Variants in DLG1 observed in about 807,000 individuals in gnomAD.
DLG1 encodes disks large homolog 1.
Under a neutral mutation model 123.4 loss-of-function variants are expected in DLG1, and 42 were observed. The observed-to-expected ratio is 0.34, with a 90% confidence interval of 0.27 to 0.44. DLG1 has a LOEUF of 0.44. DLG1 is among the 20% of genes least tolerant of loss of function. The pLI is 1.00. For synonymous variants in DLG1, 317 were observed against 356.2 expected (o/e 0.89, Z 1.24); for missense variants, 942 against 1,082.6 (o/e 0.87, Z 1.82).
rs1231390868 is a variant in DLG1, at chr3:197,069,203, A to G, written c.2047+16T>C. 2 of 1,565,852 alleles carry G rather than the reference A, an allele frequency of 1.3e-6. No homozygotes were observed. The highest frequency in any genetic ancestry group is 2.7e-5 in the African/African-American group (2 of 72,836). ...TACTCGAGATTACAAAAGAACAAGT[A>G]ACTTAAAACACTTACGGTAACTACT... On this transcript the variant is annotated intron_variant, in intron 19 of 24. Transcript: ENST00000667157.
Position 197,044,535 on chromosome 3 carries a change from A to G in DLG1, c.*88T>C. 1 of 777,958 alleles carries G rather than the reference A, an allele frequency of 1.3e-6. No homozygotes were observed. The allele number at this position is 777,958 out of a possible 1,614,324, so 48.2% of individuals were successfully genotyped here. A position where few individuals can be genotyped will look rare whatever the true frequency, so the allele number is the denominator to read the frequency against. Reference sequence around the variant, plus strand: ...GTGGGATACAATTCAACATGAAATCAGTACTCAAGAAAGACTCCAGAGGAA... The same window carrying G: ...GTGGGATACAATTCAACATGAAATCGGTACTCAAGAAAGACTCCAGAGGAA... On this transcript the variant is annotated 3_prime_UTR_variant, in exon 25 of 25. Coordinates refer to ENST00000667157, the MANE Select transcript of DLG1 (RefSeq NM_001366207.1).
chr3:197,165,172 AG>A (rs1312200575), intron 5 of DLG1, among the ~76,000 whole-genome samples: 2 of 152,198 alleles, frequency 1.3e-5, no homozygotes, highest in Non-Finnish European at 2.9e-5. Flanking sequence ...GTTGTTGACA[AG>A]GAATACACAG....
At chr3:197,204,245 C>T (rs1275931789) in intron 4 of DLG1, among the ~76,000 whole-genome samples, 1 of 152,188 alleles carries the variant, frequency 6.6e-6, no homozygotes, top group Non-Finnish European at 1.5e-5. Flanking sequence ...ATACGAAACA[C>T]TATTCTTTTT....
chr3:197,208,607 A>G (rs1729792261), intron 4 of DLG1, among the ~76,000 whole-genome samples: 1 of 145,678 alleles, frequency 6.9e-6, no homozygotes, highest in African/African-American at 2.4e-5. Flanking sequence ...AGGTATGGAA[A>G]TAGAAAAAAC....
At chr3:197,238,500 C>A (rs1417612659) in intron 4 of DLG1, among the ~76,000 whole-genome samples, 2 of 152,060 alleles carry the variant, frequency 1.3e-5, no homozygotes, top group African/African-American at 4.8e-5. Context: ...ACTGAAAATA[C>A]AATAACACTA....
chr3:197,174,666 C>T (rs1285834188), intron 5 of DLG1, among the ~76,000 whole-genome samples: 2 of 151,894 alleles, frequency 1.3e-5, no homozygotes, highest in Non-Finnish European at 2.9e-5. Flanking sequence ...GATTTCTTTC[C>T]AAATTTATAA....
chr3:197,280,150 C>A (rs1332950506), intron 4 of DLG1, among the ~76,000 whole-genome samples: 1 of 152,162 alleles, frequency 6.6e-6, no homozygotes, highest in African/African-American at 2.4e-5. Flanking sequence ...TCCCACCCTT[C>A]CCAGTCTCTG....
In DLG1 at chr3:197,238,012, G is replaced by C. The variant is rs569513998; in HGVS notation, c.319-43423C>G. 4.6e-5 allele frequency among the ~76,000 whole-genome samples: 7 copies of C among 152,312 alleles called. No homozygotes were observed. The East Asian group carries it at 1.2e-3, about 25-fold the overall frequency. On this transcript the variant is annotated intron_variant, in intron 4 of 24. Transcript: ENST00000667157. ...AAAGCTTCTACCCCATGCAGTGTTA[G>C]TGAAGACCACATGGGGAACTATAAC...
Position 197,216,663 on chromosome 3 carries a change from G to A in DLG1, c.319-22074C>T, listed in dbSNP as rs116259677. 1.3e-3 allele frequency among the ~76,000 whole-genome samples: 198 copies of A among 152,316 alleles called. 1 individual carries two copies. Among genetic ancestry groups the A allele is most frequent in the African/African-American group, 4.2e-3 (175 of 41,568 alleles). On this transcript the variant is annotated intron_variant, in intron 4 of 24. Coordinates refer to ENST00000667157, the MANE Select transcript of DLG1 (RefSeq NM_001366207.1). ...ATGACAAAATTTCAGACTCCCAGAA[G>A]GAGGTATTCGGCAGAAATAGTATTT...
intron 13 of DLG1, among the ~76,000 whole-genome samples, chr3:197,110,477 G>GTTTA (rs1769260988): frequency 1.3e-5 from 2 of 152,018 alleles, no homozygotes; most frequent in Non-Finnish European, 2.9e-5. Context: ...TAATGTCTTT[G>GTTTA]TTTAGCATGT....
chr3:197,179,610 A>G (rs897524056), intron 5 of DLG1, among the ~76,000 whole-genome samples: 3 of 152,186 alleles, frequency 2.0e-5, no homozygotes, highest in Non-Finnish European at 4.4e-5. Context: ...ATATAAAAAT[A>G]AGCTAACAGG....
intron 10 of DLG1, among the ~76,000 whole-genome samples, chr3:197,131,953 A>C (rs886750506): frequency 3.3e-5 from 5 of 152,128 alleles, no homozygotes; most frequent in African/African-American, 1.2e-4. Context: ...CCCTGGATAG[A>C]ATCTCAACTA....
In DLG1 at chr3:197,043,148, A is replaced by G. The variant is rs1039058113; in HGVS notation, c.*1475T>C. 12 of 152,236 alleles carry G rather than the reference A, an allele frequency of 7.9e-5. No homozygotes were observed. Among genetic ancestry groups the G allele is most frequent in the African/African-American group, 2.9e-4 (12 of 41,460 alleles). The allele number at this position is 152,236 out of a possible 1,614,324, so 9.4% of individuals were successfully genotyped here. A position where few individuals can be genotyped will look rare whatever the true frequency, so the allele number is the denominator to read the frequency against. On this transcript the variant is annotated 3_prime_UTR_variant, in exon 25 of 25. Coordinates refer to ENST00000667157, the MANE Select transcript of DLG1 (RefSeq NM_001366207.1). ...ATTTGTGAAATAATTTCTACCTTTC[A>G]CTAACATTTCTTAAAATTGCTCACC...
At chr3:197,104,185 C>A (rs558145105) in intron 14 of DLG1, among the ~76,000 whole-genome samples, 31 of 152,158 alleles carry the variant, frequency 2.0e-4, no homozygotes, top group African/African-American at 7.5e-4. Context: ...TAGAAAAAAT[C>A]TGGGTGACCT....
intron 5 of DLG1, chr3:197,184,183 G>T (rs1292840721): frequency 1.1e-6 from 1 of 949,002 alleles, no homozygotes; most frequent in Non-Finnish European, 1.3e-6. Flanking sequence ...GGTAAAGAAG[G>T]ATGCTATAAA....
chr3:197,051,989 C>T (rs998092995), intron 23 of DLG1, among the ~76,000 whole-genome samples: 8 of 151,348 alleles, frequency 5.3e-5, no homozygotes, highest in East Asian at 2.0e-4. Context: ...TACAGGCATG[C>T]GCCACCACGC....
Position 197,203,081 on chromosome 3 carries a change from T to C in DLG1, c.319-8492A>G, listed in dbSNP as rs111893481. Among the ~76,000 whole-genome samples, 1,225 of 152,264 alleles carry C rather than the reference T, an allele frequency of 8.0e-3. 13 individuals are homozygous for C. Among genetic ancestry groups the C allele is most frequent in the African/African-American group, 0.027 (1,117 of 41,552 alleles). ...TGAGCCCAGGAGTTCAGGACCATTT[T>C]TGAGACTCTGCCTCTACAAAAAATT... On this transcript the variant is annotated intron_variant, in intron 4 of 24. Coordinates refer to ENST00000667157, the MANE Select transcript of DLG1 (RefSeq NM_001366207.1).
At chr3:197,119,799 T>C (rs754413277) in intron 11 of DLG1, among the ~76,000 whole-genome samples, 4 of 152,178 alleles carry the variant, frequency 2.6e-5, no homozygotes, top group African/African-American at 7.2e-5. Context: ...AAGAATTATA[T>C]ACAGTCCAAA....
chr3:197,148,815 A>T (rs187519057), intron 6 of DLG1, among the ~76,000 whole-genome samples: 1 of 152,302 alleles, frequency 6.6e-6, no homozygotes, highest in East Asian at 1.9e-4. Context: ...AAATATAAAA[A>T]TAATGGTTTT....
Sources: gnomAD v4.1 joint callset for allele counts (sites outside exome capture counted in the v4.1 genomes callset) on GRCh38, gnomAD v4.1.1 for gene constraint, MANE v1.5 for transcripts, NCBI Gene and HGNC (gene_info 2026-07-23, HGNC 2026-07-21) for gene names.